The following ZNF678 variants were observed in gnomAD, a reference collection of about 807,000 sequenced individuals.
ZNF678 encodes hypothetical protein MGC42493.
In ZNF678, 5 loss-of-function variants were observed where a neutral mutation model predicts 3.0. The ratio of observed to expected loss-of-function variants is 1.69; its 90% CI spans 0.88 to 3.56. The LOEUF (loss-of-function observed/expected upper bound fraction) is 3.56, where lower values mean the gene tolerates loss of function less well. Among genes scored for constraint, ZNF678 ranks in the 30% most tolerant of loss-of-function variants. The pLI, the probability that ZNF678 is intolerant of heterozygous loss-of-function variation, is 0.00. For synonymous variants in ZNF678, 218 were observed against 199.6 expected, an observed-to-expected ratio of 1.09 and a Z score of -0.78; for missense variants, 593 against 605.0, an observed-to-expected ratio of 0.98 and a Z score of 0.21.
intron 1 of ZNF678, among the ~76,000 whole-genome samples, chr1:227,566,129 G>A (rs1397155236): frequency 6.6e-6 from 1 of 152,200 alleles, no homozygotes; most frequent in African/African-American, 2.4e-5. Flanking sequence ...GCCCACAGTG[G>A]CTATGTCTCT....
At chr1:227,618,568 G>A (rs557162336) in intron 1 of ZNF678, among the ~76,000 whole-genome samples, 88 of 152,310 alleles carry the variant, frequency 5.8e-4, no homozygotes, top group African/African-American at 1.8e-3. Flanking sequence ...GTCTCCTCTT[G>A]TGGGGACAGC....
intron 5 of ZNF678, among the ~76,000 whole-genome samples, chr1:227,668,029 C>T (rs1329115278): frequency 6.6e-6 from 1 of 152,114 alleles, no homozygotes; most frequent in Non-Finnish European, 1.5e-5. Context: ...TCAGAAGAAA[C>T]TCCCAATTTA....
chr1:227,599,076 C>T lies in ZNF678; in HGVS notation c.-164+35352C>T, dbSNP rs1657667167. 1.7e-5 allele frequency: 27 copies of T among 1,597,770 alleles called. No homozygotes were observed. In the Admixed American group the frequency reaches 3.8e-4, roughly 23 times the overall value. On this transcript the variant is annotated intron_variant, in intron 1 of 3. Coordinates refer to ENST00000343776, the MANE Select transcript of ZNF678 (RefSeq NM_001367909.1). The stretch of plus-strand genomic sequence containing the variant: ...TTCAAATAATCCTGTATTGTTGGCC[C>T]TGAAGACTGGATTGGACCCCTTGAT...
chr1:227,654,931 T>C lies in ZNF678; in HGVS notation c.681T>C (p.His227=). The change falls in exon 4 of 4, where the codon CAT becomes CAC. Residue 227 remains histidine, a synonymous_variant. Coordinates refer to ENST00000343776, the MANE Select transcript of ZNF678 (RefSeq NM_001367909.1). The part of the protein sequence containing the change: ...AFTQFSNLTQ[H]KRIHTGEKPY... ...CCCAGTTCTCAAACCTTACACAACA[T>C]AAGAGAATTCATACTGGAGAGAAAC... 1.2e-6 allele frequency: 2 copies of C among 1,612,620 alleles called. No homozygotes were observed.
intron 1 of ZNF678, among the ~76,000 whole-genome samples, chr1:227,574,204 G>A (rs974005123): frequency 6.6e-6 from 1 of 152,112 alleles, no homozygotes; most frequent in African/African-American, 2.4e-5. Flanking sequence ...GAGATAGCTG[G>A]GTCAAATGGT....
At chr1:227,635,515 T>TTGCGTGTG (rs1553270313) in intron 1 of ZNF678, among the ~76,000 whole-genome samples, 5 of 128,008 alleles carry the variant, frequency 3.9e-5, no homozygotes, top group South Asian at 5.7e-4. Flanking sequence ...GGGTGAACAT[T>TTGCGTGTG]TGTGTGTGTG....
Position 227,655,400 on chromosome 1 carries a change from A to T in ZNF678, c.1150A>T (p.Lys384Ter). The T allele has an allele frequency of 6.2e-7, 1 of 1,612,720 alleles. No homozygotes were observed. The highest frequency in any genetic ancestry group is 8.5e-7 in the Non-Finnish European group (1 of 1,179,332). ...ACCCTACAAATGCAAAGAATGTGGCAAAGCGTTTAACAAGTTCTCAAGCCT... is the reference window on the plus strand; with the variant it reads ...ACCCTACAAATGCAAAGAATGTGGCTAAGCGTTTAACAAGTTCTCAAGCCT... ...EKPYKCKECGKAFNKFSSLTQ... is the reference protein window; with the variant it reads ...EKPYKCKECG The change falls in exon 4 of 4, where the codon AAA becomes TAA. Residue 384 changes from lysine to a stop codon, truncating the protein, a stop_gained. Transcript: ENST00000343776. LOFTEE classifies it low-confidence loss of function (END_TRUNC).
intron 1 of ZNF678, among the ~76,000 whole-genome samples, chr1:227,608,607 A>G (rs921135805): frequency 1.3e-5 from 2 of 152,198 alleles, no homozygotes; most frequent in Non-Finnish European, 2.9e-5. Context: ...GAGATTTCTC[A>G]TGAGGCTCTA....
rs776639078 is a variant in ZNF678 at position 227,563,686 on chromosome 1, A to G, written c.-202A>G. The G allele has an allele frequency of 5.9e-5, 79 of 1,332,486 alleles. No homozygotes were observed. Among genetic ancestry groups the G allele is most frequent in the Non-Finnish European group, 7.7e-5 (77 of 1,003,124 alleles). 82.5% of individuals were successfully genotyped at this position (1,332,486 alleles called of 1,614,324 possible). On this transcript the variant is annotated 5_prime_UTR_variant, in exon 1 of 4. Transcript: ENST00000343776. ...GTGACCTGCAGGTACTGGGAGTTAC[A>G]TAGCTAAGATGCCAGGACACCCCGA...
Position 227,646,540 on chromosome 1 carries a change from C to A in ZNF678, c.-163-4C>A, listed in dbSNP as rs764669344. ...AAATACGTGTGTATTTTTCCCCCCC[C>A]CAGGGACTACTGGCATTCAGTGATG... On this transcript the variant is annotated splice_region_variant and splice_polypyrimidine_tract_variant and intron_variant, in intron 1 of 3. Transcript: ENST00000343776. 3.6e-6 allele frequency: 5 copies of A among 1,370,376 alleles called. No individual in the cohort carries two copies. Among genetic ancestry groups the A allele is most frequent in the South Asian group, 2.2e-5 (2 of 88,916 alleles). The allele number at this position is 1,370,376 out of a possible 1,614,324, so 84.9% of individuals were successfully genotyped here. A position where few individuals can be genotyped will look rare whatever the true frequency, so the allele number is the denominator to read the frequency against.
chr1:227,607,986 TAGAA>T (rs2102756975), intron 1 of ZNF678, among the ~76,000 whole-genome samples: 2 of 151,712 alleles, frequency 1.3e-5, no homozygotes, highest in East Asian at 3.9e-4. Context: ...ATTGATTAGT[TAGAA>T]AGATAGACAC....
chr1:227,591,368 C>A lies in ZNF678; in HGVS notation c.-164+27644C>A, dbSNP rs577957358. 1.4e-4 allele frequency among the ~76,000 whole-genome samples: 22 copies of A among 152,232 alleles called. No homozygotes were observed. The South Asian group carries it at 4.6e-3, about 32-fold the overall frequency. On this transcript the variant is annotated intron_variant, in intron 1 of 3. Transcript: ENST00000343776. Reference sequence around the variant, plus strand: ...TGCTGAAGGTAGACAGGATTTTTTTCATTTTTTTAAATTTAAGTAGCCTAA... The same window carrying A: ...TGCTGAAGGTAGACAGGATTTTTTTAATTTTTTTAAATTTAAGTAGCCTAA...
At chr1:227,602,143 G>C (rs554706387) in intron 1 of ZNF678, among the ~76,000 whole-genome samples, 24 of 152,108 alleles carry the variant, frequency 1.6e-4, no homozygotes, top group Non-Finnish European at 1.0e-4. Flanking sequence ...GTCTTCTGCT[G>C]GTTTTCAATA....
intron 1 of ZNF678, among the ~76,000 whole-genome samples, chr1:227,624,881 G>A (rs1248572366): frequency 6.6e-6 from 1 of 152,160 alleles, no homozygotes; most frequent in African/African-American, 2.4e-5. Context: ...GCACAGCAGC[G>A]ATCAGCAGTG....
chr1:227,636,122 G>A (rs1571903732), intron 1 of ZNF678, among the ~76,000 whole-genome samples: 1 of 152,102 alleles, frequency 6.6e-6, no homozygotes, highest in East Asian at 1.9e-4. Context: ...ATTATCAGTG[G>A]GATAACACAC....
intron 1 of ZNF678, among the ~76,000 whole-genome samples, chr1:227,566,309 C>T (rs569403548): frequency 8.5e-5 from 13 of 152,338 alleles, no homozygotes; most frequent in Non-Finnish European, 2.9e-5. Flanking sequence ...CCCCCAACCC[C>T]CAATTTCATT....
chr1:227,581,878 G>A (rs900292901), intron 1 of ZNF678, among the ~76,000 whole-genome samples: 7 of 152,272 alleles, frequency 4.6e-5, no homozygotes, highest in African/African-American at 1.7e-4. Flanking sequence ...TCCACCAGCA[G>A]CGCATGAGAG....
Position 227,654,544 on chromosome 1 carries a change from A to G in ZNF678, c.294A>G (p.Gln98=), listed in dbSNP as rs141813066. 1.8e-5 allele frequency: 29 copies of G among 1,613,346 alleles called. No individual in the cohort carries two copies. The highest frequency in any genetic ancestry group is 1.7e-5 in the Admixed American group (1 of 59,882). The change falls in exon 4 of 4, where the codon CAA becomes CAG. Residue 98 remains glutamine, a synonymous_variant. Transcript: ENST00000343776. The part of the protein sequence containing the change: ...QCSSTKSKIF[Q]CIECGRNFSW... ...CATCAACTAAAAGCAAAATCTTTCA[A>G]TGTATTGAATGTGGCAGAAATTTTA...
chr1:227,581,792 T>G (rs1351036834), intron 1 of ZNF678, among the ~76,000 whole-genome samples: 1 of 152,236 alleles, frequency 6.6e-6, no homozygotes, highest in Admixed American at 6.5e-5. Flanking sequence ...AAGTGCTAGA[T>G]TATAGGTTAT....
Sources: allele counts gnomAD v4.1 joint callset (sites outside exome capture counted in the v4.1 genomes callset), GRCh38; gene constraint gnomAD v4.1.1; transcripts MANE v1.5; gene names NCBI Gene and HGNC (gene_info 2026-07-23, HGNC 2026-07-21).